Variants in DNAH1 observed in about 807,000 individuals in gnomAD.
The protein encoded by DNAH1 is dynein axonemal heavy chain 1, also known as axonemal beta dynein heavy chain 1.
DNAH1 carries 327 observed loss-of-function variants against 484.3 expected under a neutral mutation model. The observed-to-expected ratio is 0.68, with a 90% confidence interval of 0.62 to 0.74. The LOEUF (loss-of-function observed/expected upper bound fraction) is 0.74. Ranked by LOEUF, DNAH1 falls within the 30% of genes least tolerant of loss-of-function variation. The probability of loss-of-function intolerance (pLI) is 0.00; values close to 1 mark genes in which losing one functional copy is unlikely to be tolerated. For missense variants in DNAH1, 5,052 were observed against 5,546.8 expected, an observed-to-expected ratio of 0.91 and a Z score of 2.83; for synonymous variants, 2,192 against 2,191.9, an observed-to-expected ratio of 1.00 and a Z score of 0.00.
rs200437374 is a variant in DNAH1, at chr3:52,349,991, C to T, written c.2529C>T (p.Ile843=). 61 of 1,608,072 alleles carry T rather than the reference C, an allele frequency of 3.8e-5. 2 individuals carry two copies. In the East Asian group the frequency reaches 1.1e-3, roughly 30 times the overall value. Residue 843 remains isoleucine, a splice_region_variant and synonymous_variant, in exon 15 of 78, where the codon ATC becomes ATT. Transcript: ENST00000420323. ...AKNLHKEVDS[I]CEEFRSISRK... Reference sequence around the variant, plus strand: ...CCAGCGCCTCCTCCCACTGCCAGATCTGCGAGGAGTTCCGCAGCATCAGCC... The same window carrying T: ...CCAGCGCCTCCTCCCACTGCCAGATTTGCGAGGAGTTCCGCAGCATCAGCC...
chr3:52,314,889 T>A (rs1425269673), upstream of DNAH1, among the ~76,000 whole-genome samples: 1 of 152,076 alleles, frequency 6.6e-6, no homozygotes, highest in Non-Finnish European at 1.5e-5. Flanking sequence ...CTGTGATGGA[T>A]GAAGATTGTC....
At chr3:52,343,779 CAG>C (rs1361073155) in intron 8 of DNAH1, among the ~76,000 whole-genome samples, 20 of 152,298 alleles carry the variant, frequency 1.3e-4, no homozygotes, top group Admixed American at 1.3e-3. Flanking sequence ...CCGCAAAGGA[CAG>C]AGATGCCAGC....
In DNAH1 at chr3:52,326,054, G is replaced by T. The variant is rs1701325327; in HGVS notation, c.407-86G>T. On this transcript the variant is annotated intron_variant, in intron 3 of 77. Transcript: ENST00000420323. ...TCCCACACTCCAAAGCATACTACCT[G>T]GTTGGTAATTTATTTTATGGGGTGG... 7 of 1,317,936 alleles carry T rather than the reference G, an allele frequency of 5.3e-6. No homozygotes were observed. The South Asian group carries it at 1.2e-4, about 22-fold the overall frequency. 81.6% of individuals were successfully genotyped at this position (1,317,936 alleles called of 1,614,324 possible).
At position 52,353,902 on chromosome 3, in the gene DNAH1, A is replaced by C; in HGVS notation, c.3480+269A>C. 1 of 458,668 alleles carries C rather than the reference A, an allele frequency of 2.2e-6. No individual in the cohort carries two copies. The highest frequency in any genetic ancestry group is 2.0e-5 in the African/African-American group (1 of 50,370). 28.4% of individuals were successfully genotyped at this position (458,668 alleles called of 1,614,324 possible). On this transcript the variant is annotated intron_variant, in intron 20 of 77. Transcript: ENST00000420323. This position sits in a 1 kb window ranked among gnomAD's most constrained non-coding sequence, Gnocchi z 5.0. Reference sequence around the variant, plus strand: ...AATAGCATTAGCCTCAATTTAACAGATGTGTCAGGCCGGGTGCAGTGACAC... The same window carrying C: ...AATAGCATTAGCCTCAATTTAACAGCTGTGTCAGGCCGGGTGCAGTGACAC...
Position 52,383,390 on chromosome 3 carries a change from A to G in DNAH1, c.7946A>G (p.Lys2649Arg). Residue 2649 changes from lysine (K) to arginine (R), a missense_variant, in exon 51 of 78, where the codon AAG becomes AGG. This residue lies in a region of DNAH1 where 2,929 missense variants were observed against 3,409.4 expected (regional missense o/e 0.86). Coordinates refer to ENST00000420323, the MANE Select transcript of DNAH1 (RefSeq NM_015512.5). ...ITFLFSDTQI[K>R]NESFLEDINN... ...CACTCCTTCACCCCTCCCCAGATCA[A>G]GAACGAATCCTTCCTGGAAGATATC... 6.2e-7 allele frequency: 1 copy of G among 1,613,706 alleles called. No homozygotes were observed. Among genetic ancestry groups the G allele is most frequent in the South Asian group, 1.1e-5 (1 of 90,984 alleles).
rs1464703989 is a variant in DNAH1, at chr3:52,384,792, G to A, written c.8329G>A (p.Val2777Ile). The A allele has an allele frequency of 7.5e-6, 12 of 1,604,254 alleles. No individual in the cohort carries two copies. The highest frequency in any genetic ancestry group is 1.0e-5 in the Non-Finnish European group (12 of 1,175,458). Residue 2777 changes from valine (V) to isoleucine (I), a missense_variant, in exon 53 of 78, where the codon GTC becomes ATC. Physicochemically the swap from Val to Ile is conservative, Grantham distance 29. Around this residue, in one of 4 missense-constraint regions of DNAH1, gnomAD observed 2,929 missense variants for 3,409.4 expected, o/e 0.86. Coordinates refer to ENST00000420323, the MANE Select transcript of DNAH1 (RefSeq NM_015512.5). Reference protein sequence around the residue: ...SQEEIQGLIQVCVYIHQSVSK... With the variant: ...SQEEIQGLIQICVYIHQSVSK... Reference sequence around the variant, plus strand: ...CATGGTCTTCCTCCCCCAGATCCAGGTCTGTGTGTACATCCACCAGTCGGT... The same window carrying A: ...CATGGTCTTCCTCCCCCAGATCCAGATCTGTGTGTACATCCACCAGTCGGT...
rs544790769 is a variant in DNAH1, at chr3:52,372,099, C to G, written c.6666+13C>G. On this transcript the variant is annotated intron_variant, in intron 42 of 77. Transcript: ENST00000420323. ...CAACAAGAAGCCCGTGAGCACCCCC[C>G]CAGGCCCTGCCTCCACTGTCCCCAA... 73 of 1,612,878 alleles carry G rather than the reference C, an allele frequency of 4.5e-5. 1 individual carries two copies. The South Asian group carries it at 7.3e-4, about 16-fold the overall frequency.
At chr3:52,366,347 A>G in intron 34 of DNAH1, 110 bp from the exon 35 acceptor site, 1 of 813,814 alleles carries the variant, frequency 1.2e-6, no homozygotes, top group South Asian at 1.7e-5. Flanking sequence ...ATAGATGAGG[A>G]AATTGAGGCT....
Position 52,397,794 on chromosome 3 carries a change from C to T in DNAH1, c.11875C>T (p.Gln3959Ter). 1 of 1,613,770 alleles carries T rather than the reference C, an allele frequency of 6.2e-7. No individual in the cohort carries two copies. The highest frequency in any genetic ancestry group is 8.5e-7 in the Non-Finnish European group (1 of 1,179,774). The change falls in exon 74 of 78, where the codon CAG (glutamine) becomes TAG (stop). Residue 3959 changes from glutamine to a stop codon, truncating the protein, a stop_gained. Transcript: ENST00000420323. LOFTEE classifies it high-confidence loss of function. ...LHDNANITFAQNETFALLGTI... is the reference protein window; with the variant it reads ...LHDNANITFA ...TGACAATGCCAACATCACCTTTGCC[C>T]AGAACGAGACGTTCGCCCTCCTGGG...
intron 37 of DNAH1, among the ~76,000 whole-genome samples, chr3:52,369,597 G>A (rs937784450): frequency 6.6e-6 from 1 of 152,260 alleles, no homozygotes; most frequent in African/African-American, 2.4e-5. Flanking sequence ...TCTGGTCAGC[G>A]AACCTCAGGA....
chr3:52,366,223 A>G lies in DNAH1; in HGVS notation c.5519-234A>G, dbSNP rs578041526. Among the ~76,000 whole-genome samples, 3 of 152,362 alleles carry G rather than the reference A, an allele frequency of 2.0e-5. 1 individual carries two copies. In the South Asian group the frequency reaches 6.2e-4, roughly 32 times the overall value. ...TGACCAATGGCTGTGAAGGAACGGT[A>G]GTCACAGTGGAAAGAATGGCTAGCA... On this transcript the variant is annotated intron_variant, in intron 34 of 77. Coordinates refer to ENST00000420323, the MANE Select transcript of DNAH1 (RefSeq NM_015512.5).
chr3:52,399,531 G>C lies in DNAH1; in HGVS notation c.12442-14G>C. ...ATTGTTATGTGTGTGGGGTGTGTCT[G>C]TGTCTACCCACAGGTGATGTTTGAG... On this transcript the variant is annotated splice_polypyrimidine_tract_variant and intron_variant, in intron 76 of 77. Coordinates refer to ENST00000420323, the MANE Select transcript of DNAH1 (RefSeq NM_015512.5). 1 of 1,595,094 alleles carries C rather than the reference G, an allele frequency of 6.3e-7. No individual in the cohort carries two copies.
rs1021226371 is a variant in DNAH1 at position 52,362,949 on chromosome 3, G to A, written c.5095-46G>A. 1 of 1,610,776 alleles carries A rather than the reference G, an allele frequency of 6.2e-7. No individual in the cohort carries two copies. The highest frequency in any genetic ancestry group is 1.7e-5 in the Admixed American group (1 of 59,986). On this transcript the variant is annotated intron_variant, in intron 31 of 77. Coordinates refer to ENST00000420323, the MANE Select transcript of DNAH1 (RefSeq NM_015512.5). The surrounding 1 kb of genome is among the most constrained non-coding windows in gnomAD (Gnocchi z 5.1). ...GGCCGGATGAAGCTGGGGGTGCTCT[G>A]GGGGTGAGCTCTGTTTGCTGTTCAC...
In DNAH1 at chr3:52,379,362, C is replaced by A. The variant is rs1341174179; in HGVS notation, c.7378-543C>A. ...CCTGGCCTTGTAGCCACGCTTGTAG[C>A]CAACAAAGTCTACAGAAAAGGCTGG... is the stretch of plus-strand genomic sequence containing the variant. On this transcript the variant is annotated intron_variant, in intron 47 of 77. Transcript: ENST00000420323. The surrounding 1 kb of genome is among the most constrained non-coding windows in gnomAD (Gnocchi z 4.4). Among the ~76,000 whole-genome samples, 1 of 152,152 alleles carries A rather than the reference C, an allele frequency of 6.6e-6. No homozygotes were observed. Among genetic ancestry groups the A allele is most frequent in the Non-Finnish European group, 1.5e-5 (1 of 68,036 alleles).
rs1247410684 is a variant in DNAH1 at position 52,388,346 on chromosome 3, G to C, written c.9171+12G>C. On this transcript the variant is annotated intron_variant, in intron 57 of 77. Transcript: ENST00000420323. ...TGGAGCCCAAGCGGGTGAGGGCTGA[G>C]TGGAGCTGGTGGGGGAGGGCTCCCC... The C allele has an allele frequency of 6.2e-7, 1 of 1,600,868 alleles. No individual in the cohort carries two copies. Among genetic ancestry groups the C allele is most frequent in the Admixed American group, 1.7e-5 (1 of 57,798 alleles).
At chr3:52,383,788 G>C in intron 51 of DNAH1, 72 bp from the exon 52 acceptor site, 1 of 1,491,540 alleles carries the variant, frequency 6.7e-7, no homozygotes, top group Non-Finnish European at 9.0e-7. Flanking sequence ...GCTGTGCAAG[G>C]GCCCTGGGTC....
intron 8 of DNAH1, 116 bp from the exon 9 acceptor site, chr3:52,344,374 G>T: frequency 7.6e-7 from 1 of 1,318,248 alleles, no homozygotes. Flanking sequence ...CATGAATCCA[G>T]AAGGGAAGCC....
intron 46 of DNAH1, among the ~76,000 whole-genome samples, chr3:52,376,780 C>T (rs866483638): frequency 1.3e-5 from 2 of 152,200 alleles, no homozygotes; most frequent in South Asian, 2.1e-4. Context: ...TTGTCTTTCC[C>T]GCTGCACCCG....
In DNAH1 at chr3:52,359,048, G is replaced by T. The variant is rs923990291; in HGVS notation, c.4267-198G>T. On this transcript the variant is annotated intron_variant, in intron 25 of 77. Coordinates refer to ENST00000420323, the MANE Select transcript of DNAH1 (RefSeq NM_015512.5). ...TGGGCTCTAGGTGACTCCCCAGCCT[G>T]CAGAGTCAGTTCAGAGATATCTCTG... Among the ~76,000 whole-genome samples the T allele has an allele frequency of 2.6e-5, 4 of 152,188 alleles. 1 individual carries two copies. Among genetic ancestry groups the T allele is most frequent in the African/African-American group, 9.7e-5 (4 of 41,444 alleles).
Sources: allele counts gnomAD v4.1 joint callset (sites outside exome capture counted in the v4.1 genomes callset), GRCh38; gene constraint gnomAD v4.1.1; regional missense constraint gnomAD v4.1.1; non-coding constraint Gnocchi (gnomAD v3.1); transcripts MANE v1.5; gene names NCBI Gene and HGNC (gene_info 2026-07-23, HGNC 2026-07-21).